The following CA13 variants were observed in gnomAD, a reference collection of about 807,000 sequenced individuals.
The protein encoded by CA13 is CA-XIII.
Under a neutral mutation model 31.5 loss-of-function variants are expected in CA13, and 21 were observed. The observed-to-expected ratio is 0.67, with a 90% CI of 0.47 to 0.96. The LOEUF (loss-of-function observed/expected upper bound fraction) is 0.96. Ranked by LOEUF, CA13 falls within the 40% of genes least tolerant of loss-of-function variation. The pLI is 0.00. For missense variants in CA13, 315 were observed against 318.9 expected (o/e 0.99, Z 0.09); for synonymous variants, 117 against 111.4 (o/e 1.05, Z -0.32).
intron 2 of CA13, among the ~76,000 whole-genome samples, chr8:85,254,277 C>CAA (rs34034023): frequency 0.016 from 2,251 of 138,360 alleles, 29 homozygotes; most frequent in East Asian, 0.069. Flanking sequence ...GATTCCATCT[C>CAA]AAAAAAAAAA....
At chr8:85,247,626 G>A (rs1195646812) in intron 1 of CA13, among the ~76,000 whole-genome samples, 2 of 152,174 alleles carry the variant, frequency 1.3e-5, no homozygotes, top group Non-Finnish European at 2.9e-5. Context: ...CTGGAGTGCA[G>A]TGGCACTATC....
intron 6 of CA13, among the ~76,000 whole-genome samples, chr8:85,280,010 A>C (rs534803694): frequency 1.3e-5 from 2 of 152,096 alleles, no homozygotes; most frequent in East Asian, 3.9e-4. Context: ...GGCCGGGTGC[A>C]GTGGCTCCCG....
chr8:85,251,836 G>A (rs1311713860), intron 2 of CA13, among the ~76,000 whole-genome samples: 2 of 152,108 alleles, frequency 1.3e-5, no homozygotes, highest in African/African-American at 2.4e-5. Context: ...ACATACATGT[G>A]TATCATCCTT....
intron 3 of CA13, among the ~76,000 whole-genome samples, chr8:85,264,784 A>G (rs570445862): frequency 3.2e-4 from 48 of 152,338 alleles, no homozygotes; most frequent in Middle Eastern, 6.8e-3. Flanking sequence ...AACAATTTTA[A>G]CATCCTTATC....
intron 2 of CA13, among the ~76,000 whole-genome samples, chr8:85,253,057 T>C (rs544528104): frequency 2.0e-5 from 3 of 152,136 alleles, no homozygotes; most frequent in Admixed American, 2.0e-4. Context: ...GCGATTCTCC[T>C]GCCTCCGCCT....
Position 85,245,907 on chromosome 8 carries a change from G to A in CA13, c.37+42G>A, listed in dbSNP as rs754023052. ...GATCCAAGGGGGGGTTTGTGCGGGG[G>A]ACGAGAGGACTAGCGCGACGCCCCG... On this transcript the variant is annotated intron_variant, in intron 1 of 6. Transcript: ENST00000321764. 2.3e-5 allele frequency: 37 copies of A among 1,612,310 alleles called. 1 individual carries two copies. The South Asian group carries it at 2.7e-4, about 12-fold the overall frequency.
At chr8:85,254,155 G>A (rs765769811) in intron 2 of CA13, among the ~76,000 whole-genome samples, 6 of 151,712 alleles carry the variant, frequency 4.0e-5, no homozygotes, top group Non-Finnish European at 7.4e-5. Context: ...ACACACACCT[G>A]TAATCCCAGC....
chr8:85,268,393 A>C (rs992515115), intron 5 of CA13, 79 bp from the exon 6 acceptor site: 1 of 1,171,512 alleles, frequency 8.5e-7, no homozygotes, highest in African/African-American at 1.5e-5. Context: ...TTATAATGGA[A>C]GTACATGGAT....
At chr8:85,268,446 TG>T (rs1367055696) in intron 5 of CA13, 25 bp from the exon 6 acceptor site, 1 of 1,612,722 alleles carries the variant, frequency 6.2e-7, no homozygotes, top group Admixed American at 1.7e-5. Context: ...CATTGTAATT[TG>T]TGGGAATTCT....
At chr8:85,251,082 A>C (rs1587532701) in intron 2 of CA13, 145 bp downstream of exon 2, 1 of 682,658 alleles carries the variant, frequency 1.5e-6, no homozygotes, top group Non-Finnish European at 2.5e-6. Flanking sequence ...GCTTATTGCA[A>C]CCTCCGCCTC....
chr8:85,247,221 T>C (rs1017539947), intron 1 of CA13, among the ~76,000 whole-genome samples: 1 of 152,120 alleles, frequency 6.6e-6, no homozygotes, highest in Non-Finnish European at 1.5e-5. Context: ...TTTATTGGAG[T>C]TATTTAATAG....
intron 1 of CA13, among the ~76,000 whole-genome samples, chr8:85,250,213 G>A (rs572886107): frequency 4.6e-5 from 7 of 152,290 alleles, no homozygotes; most frequent in African/African-American, 7.2e-5. Context: ...GCACATCACA[G>A]GTAATTGAGT....
chr8:85,248,191 C>T (rs1052516529), intron 1 of CA13, among the ~76,000 whole-genome samples: 1 of 152,146 alleles, frequency 6.6e-6, no homozygotes, highest in African/African-American at 2.4e-5. Context: ...GGCACGGTGG[C>T]TCATGCCTGT....
At chr8:85,261,363 T>C (rs1807376443) in intron 3 of CA13, among the ~76,000 whole-genome samples, 1 of 152,032 alleles carries the variant, frequency 6.6e-6, no homozygotes, top group Non-Finnish European at 1.5e-5. Flanking sequence ...ATCAGAAGCA[T>C]CTTGGAATTT....
At position 85,257,197 on chromosome 8, in the gene CA13, G is replaced by C. The variant is rs565335849; in HGVS notation, c.236-2224G>C. 3.3e-5 allele frequency among the ~76,000 whole-genome samples: 5 copies of C among 152,256 alleles called. No individual in the cohort carries two copies. In the South Asian group the frequency reaches 1.0e-3, roughly 32 times the overall value. Reference sequence around the variant, plus strand: ...TGTGGAAGAGTGCTTTAACAGGTGAGGTCTCTTATTTTATCTTGGTAATAT... The same window carrying C: ...TGTGGAAGAGTGCTTTAACAGGTGACGTCTCTTATTTTATCTTGGTAATAT... On this transcript the variant is annotated intron_variant, in intron 2 of 6. Coordinates refer to ENST00000321764, the MANE Select transcript of CA13 (RefSeq NM_198584.3).
In CA13 at chr8:85,283,346, T is replaced by C. The variant is rs1205227902; in HGVS notation, c.*1997T>C. On this transcript the variant is annotated 3_prime_UTR_variant, in exon 7 of 7. Coordinates refer to ENST00000321764, the MANE Select transcript of CA13 (RefSeq NM_198584.3). The stretch of plus-strand genomic sequence containing the variant: ...ATGAGCTCCTGAAGAGTGAAGCTAA[T>C]TCTTTGGTCAATGTTCTTTTCCCCT... 6.6e-6 allele frequency: 1 copy of C among 152,236 alleles called. No individual in the cohort carries two copies. Among genetic ancestry groups the C allele is most frequent in the Non-Finnish European group, 1.5e-5 (1 of 68,032 alleles). 9.4% of individuals were successfully genotyped at this position (152,236 alleles called of 1,614,324 possible).
intron 1 of CA13, among the ~76,000 whole-genome samples, chr8:85,248,701 G>A (rs896075528): frequency 6.6e-6 from 1 of 152,110 alleles, no homozygotes; most frequent in African/African-American, 2.4e-5. Context: ...TTGGGAATGT[G>A]ATACAAACAA....
At chr8:85,260,756 C>A (rs1426410474) in intron 3 of CA13, among the ~76,000 whole-genome samples, 1 of 152,132 alleles carries the variant, frequency 6.6e-6, no homozygotes, top group Non-Finnish European at 1.5e-5. Flanking sequence ...CATCATTTAC[C>A]AAATAGTTTT....
chr8:85,281,812 C>G lies in CA13; in HGVS notation c.*463C>G. 1 of 153,528 alleles carries G rather than the reference C, an allele frequency of 6.5e-6. No homozygotes were observed. Among genetic ancestry groups the G allele is most frequent in the East Asian group, 1.9e-4 (1 of 5,216 alleles). 9.5% of individuals were successfully genotyped at this position (153,528 alleles called of 1,614,324 possible). Reference sequence around the variant, plus strand: ...GGATTTCAGGCATGGGTCATCAAGCCCAGCTGACCCAGAGCTCTTTACTAA... The same window carrying G: ...GGATTTCAGGCATGGGTCATCAAGCGCAGCTGACCCAGAGCTCTTTACTAA... On this transcript the variant is annotated 3_prime_UTR_variant, in exon 7 of 7. Transcript: ENST00000321764.
Sources: gnomAD v4.1 joint callset for allele counts (sites outside exome capture counted in the v4.1 genomes callset) on GRCh38, gnomAD v4.1.1 for gene constraint, MANE v1.5 for transcripts, NCBI Gene and HGNC (gene_info 2026-07-23, HGNC 2026-07-21) for gene names.